CTNNA2: variants seen among roughly 807,000 people sequenced by gnomAD.
CTNNA2 encodes catenin alpha 2.
In CTNNA2, 42 loss-of-function variants were observed where a neutral mutation model predicts 101.0. That is an observed-to-expected ratio of 0.42 (90% CI 0.32 to 0.54). The LOEUF is 0.54. Among genes scored for constraint, CTNNA2 ranks in the 20% least tolerant of loss-of-function variants. CTNNA2 has a pLI of 0.14. For synonymous variants in CTNNA2, 450 were observed against 456.4 expected, an observed-to-expected ratio of 0.99 and a Z score of 0.18; for missense variants, 871 against 1,223.1, an observed-to-expected ratio of 0.71 and a Z score of 4.29.
chr2:80,622,405 A>G (rs777698394), intron 18 of CTNNA2, among the ~76,000 whole-genome samples: 1 of 151,890 alleles, frequency 6.6e-6, no homozygotes, highest in Non-Finnish European at 1.5e-5. Flanking sequence ...ACAGATTTAG[A>G]AACGTCAGAT....
Position 79,899,502 on chromosome 2 carries a change from G to A in CTNNA2, c.853-10092G>A, listed in dbSNP as rs556762456. On this transcript the variant is annotated intron_variant, in intron 6 of 18. Coordinates refer to ENST00000402739, the MANE Select transcript of CTNNA2 (RefSeq NM_001282597.3). ...TCGCCCAGTTTATTCATTTGCTTTG[G>A]TAAATCACTTTGTCTTTCTAAATAT... is the stretch of plus-strand genomic sequence containing the variant. Among the ~76,000 whole-genome samples, 28 of 152,254 alleles carry A rather than the reference G, an allele frequency of 1.8e-4. 1 individual carries two copies. In the South Asian group the frequency reaches 5.0e-3, roughly 27 times the overall value.
intron 18 of CTNNA2, among the ~76,000 whole-genome samples, chr2:80,629,178 C>T (rs1190489075): frequency 1.3e-5 from 2 of 151,836 alleles, no homozygotes; most frequent in African/African-American, 4.8e-5. Flanking sequence ...ATATTGGTGC[C>T]CTCCGGTTCT....
chr2:80,088,638 T>C (rs1699591825), intron 7 of CTNNA2, among the ~76,000 whole-genome samples: 1 of 152,098 alleles, frequency 6.6e-6, no homozygotes, highest in South Asian at 2.1e-4. Context: ...GTACTGTGGT[T>C]ATTATTTTGG....
At chr2:80,604,523 T>C (rs563406630) in intron 16 of CTNNA2, among the ~76,000 whole-genome samples, 2 of 152,148 alleles carry the variant, frequency 1.3e-5, no homozygotes, top group East Asian at 1.9e-4. Flanking sequence ...AAGCAGGTTT[T>C]TAAATTTTCA....
chr2:80,340,638 T>G (rs1245753884), intron 7 of CTNNA2, among the ~76,000 whole-genome samples: 1 of 152,030 alleles, frequency 6.6e-6, no homozygotes, highest in African/African-American at 2.4e-5. Flanking sequence ...AGACTTAGAG[T>G]CTCATTCTAT....
intron 6 of CTNNA2, among the ~76,000 whole-genome samples, chr2:79,896,284 CAA>C (rs200678340): frequency 4.3e-5 from 6 of 141,040 alleles, no homozygotes; most frequent in African/African-American, 1.3e-4. Flanking sequence ...GACCCTGTCT[CAA>C]AAAAAAAAAA....
chr2:80,116,100 G>T (rs1701500851), intron 7 of CTNNA2, among the ~76,000 whole-genome samples: 1 of 151,996 alleles, frequency 6.6e-6, no homozygotes, highest in Non-Finnish European at 1.5e-5. Flanking sequence ...TGTGGGCTGT[G>T]GTTGTGGGCT....
chr2:80,163,332 C>T lies in CTNNA2; in HGVS notation c.1057-229879C>T, dbSNP rs149820172. Among the ~76,000 whole-genome samples the T allele has an allele frequency of 1.7e-4, 26 of 152,192 alleles. No homozygotes were observed. In the East Asian group the frequency reaches 4.8e-3, roughly 28 times the overall value. On this transcript the variant is annotated intron_variant, in intron 7 of 18. Transcript: ENST00000402739. ...ATATATAAATGATATATTGCTGGGACAGGAGATTTCTCTTGAGATTTTCTC... is the reference window on the plus strand; with the variant it reads ...ATATATAAATGATATATTGCTGGGATAGGAGATTTCTCTTGAGATTTTCTC...
intron 11 of CTNNA2, among the ~76,000 whole-genome samples, chr2:80,552,223 A>G (rs1692621438): frequency 6.6e-6 from 1 of 152,222 alleles, no homozygotes; most frequent in Non-Finnish European, 1.5e-5. Context: ...CAACAATTGC[A>G]AAACTGTCAT....
intron 17 of CTNNA2, among the ~76,000 whole-genome samples, chr2:80,616,015 TATC>T (rs1698822981): frequency 1.3e-5 from 2 of 151,776 alleles, no homozygotes; most frequent in Admixed American, 6.6e-5. Context: ...TCTTTTCTTT[TATC>T]ATCAATACTG....
chr2:80,202,088 A>G (rs1019554856), intron 7 of CTNNA2, among the ~76,000 whole-genome samples: 4 of 152,008 alleles, frequency 2.6e-5, no homozygotes, highest in Non-Finnish European at 4.4e-5. Context: ...AGCCTTGTTT[A>G]TGTTTACTTT....
At chr2:79,233,674 G>A (rs1674523332) in intron 2 of CTNNA2, among the ~76,000 whole-genome samples, 2 of 152,062 alleles carry the variant, frequency 1.3e-5, no homozygotes, top group African/African-American at 4.8e-5. Context: ...CTATTATTGT[G>A]TGGCTAAGTT....
chr2:79,632,283 A>G (rs1679744461), intron 1 of CTNNA2, among the ~76,000 whole-genome samples: 1 of 151,086 alleles, frequency 6.6e-6, no homozygotes, highest in South Asian at 2.1e-4. Flanking sequence ...ATTCATGAGT[A>G]TAAAATAAAA....
chr2:79,343,485 A>C (rs1192322076), intron 3 of CTNNA2, among the ~76,000 whole-genome samples: 1 of 152,162 alleles, frequency 6.6e-6, no homozygotes, highest in Non-Finnish European at 1.5e-5. Flanking sequence ...CATGTGCCCC[A>C]CATTCTTTTA....
chr2:79,856,515 T>A (rs1388407195), intron 3 of CTNNA2, among the ~76,000 whole-genome samples: 1 of 152,226 alleles, frequency 6.6e-6, no homozygotes, highest in East Asian at 1.9e-4. Flanking sequence ...ATCTGTCATA[T>A]TAACTGTACT....
chr2:80,183,884 GGTGTGT>G (rs35982231), intron 7 of CTNNA2, among the ~76,000 whole-genome samples: 178 of 149,372 alleles, frequency 1.2e-3, no homozygotes, highest in African/African-American at 2.8e-3. Context: ...TGTGCTCTTG[GGTGTGT>G]GTGTGTGTGT....
At chr2:79,209,096 G>A (rs745864278) in intron 2 of CTNNA2, among the ~76,000 whole-genome samples, 4 of 152,102 alleles carry the variant, frequency 2.6e-5, no homozygotes, top group Admixed American at 2.6e-4. Context: ...CAGGAAGACG[G>A]CTTGAGTCCA....
At chr2:79,443,271 C>G (rs1678796309) in intron 4 of CTNNA2, among the ~76,000 whole-genome samples, 1 of 152,124 alleles carries the variant, frequency 6.6e-6, no homozygotes, top group Admixed American at 6.6e-5. Flanking sequence ...GCCTGAGAAC[C>G]ATGGGAGTCT....
chr2:80,553,446 A>G (rs1692762878), intron 11 of CTNNA2, among the ~76,000 whole-genome samples: 1 of 152,150 alleles, frequency 6.6e-6, no homozygotes, highest in African/African-American at 2.4e-5. Context: ...AATTAGTTGC[A>G]TATTTCTACT....
Sources: gnomAD v4.1 joint callset for allele counts (sites outside exome capture counted in the v4.1 genomes callset) on GRCh38, gnomAD v4.1.1 for gene constraint, MANE v1.5 for transcripts, NCBI Gene and HGNC (gene_info 2026-07-23, HGNC 2026-07-21) for gene names.